Variants in CNTNAP5 observed in about 807,000 individuals in gnomAD.
CNTNAP5 encodes contactin associated protein family member 5.
In CNTNAP5, 72 loss-of-function variants were observed where a neutral mutation model predicts 150.2. The ratio of observed to expected loss-of-function variants is 0.48; its 90% CI spans 0.40 to 0.58. The LOEUF (loss-of-function observed/expected upper bound fraction) is 0.58. Among genes scored for constraint, CNTNAP5 ranks in the 20% least tolerant of loss-of-function variants. CNTNAP5 has a pLI of 0.00. For synonymous variants in CNTNAP5, 672 were observed against 619.8 expected (o/e 1.08, Z -1.25); for missense variants, 1,636 against 1,626.2 (o/e 1.01, Z -0.10).
chr2:124,457,214 A>G (rs1693141946), intron 6 of CNTNAP5, among the ~76,000 whole-genome samples: 1 of 152,110 alleles, frequency 6.6e-6, no homozygotes, highest in African/African-American at 2.4e-5. Context: ...ATAACATTGG[A>G]AAAATCCTTC....
At chr2:124,430,151 G>A (rs1692338416) in intron 4 of CNTNAP5, among the ~76,000 whole-genome samples, 1 of 152,104 alleles carries the variant, frequency 6.6e-6, no homozygotes, top group Non-Finnish European at 1.5e-5. Flanking sequence ...TAGAAAAAGG[G>A]CCAGGTGGGA....
At chr2:124,739,903 T>C (rs1010737836) in intron 13 of CNTNAP5, among the ~76,000 whole-genome samples, 1 of 101,806 alleles carries the variant, frequency 9.8e-6, no homozygotes, top group Admixed American at 9.4e-5. Flanking sequence ...CTTCCATTAC[T>C]CTTAGCTGTG....
At chr2:124,805,191 C>A (rs1220592963) in intron 19 of CNTNAP5, among the ~76,000 whole-genome samples, 3 of 152,092 alleles carry the variant, frequency 2.0e-5, no homozygotes, top group African/African-American at 7.2e-5. Context: ...TCTCTAGTCA[C>A]AGGAAACAGA....
intron 1 of CNTNAP5, among the ~76,000 whole-genome samples, chr2:124,128,811 G>A (rs1227290743): frequency 6.6e-6 from 1 of 152,008 alleles, no homozygotes. Flanking sequence ...TATCGCAAGG[G>A]CAGAAAACCA....
intron 13 of CNTNAP5, among the ~76,000 whole-genome samples, chr2:124,688,040 C>T (rs1384343084): frequency 2.6e-5 from 4 of 152,084 alleles, no homozygotes; most frequent in Non-Finnish European, 5.9e-5. Flanking sequence ...CCCCTCCAGA[C>T]CTTGCTTTAT....
intron 18 of CNTNAP5, among the ~76,000 whole-genome samples, chr2:124,796,239 G>A (rs1681843490): frequency 6.6e-6 from 1 of 150,924 alleles, no homozygotes; most frequent in Non-Finnish European, 1.5e-5. Context: ...ATTGTCTTAA[G>A]TATAAAGAAA....
intron 1 of CNTNAP5, among the ~76,000 whole-genome samples, chr2:124,218,292 A>T (rs1380307619): frequency 6.6e-6 from 1 of 152,132 alleles, no homozygotes; most frequent in Non-Finnish European, 1.5e-5. Flanking sequence ...ATAGGCTTCC[A>T]TTCCCGTTTA....
At chr2:124,292,439 A>C (rs1688319995) in intron 3 of CNTNAP5, among the ~76,000 whole-genome samples, 1 of 152,184 alleles carries the variant, frequency 6.6e-6, no homozygotes, top group South Asian at 2.1e-4. Context: ...ATATGTACAA[A>C]ATTTAATTTT....
intron 13 of CNTNAP5, among the ~76,000 whole-genome samples, chr2:124,716,123 A>T (rs2105110739): frequency 6.6e-6 from 1 of 152,296 alleles, no homozygotes; most frequent in Non-Finnish European, 1.5e-5. Flanking sequence ...ATGGACAATT[A>T]TCTTAAAATT....
intron 3 of CNTNAP5, among the ~76,000 whole-genome samples, chr2:124,402,386 A>G (rs907517398): frequency 3.3e-5 from 5 of 152,096 alleles, no homozygotes; most frequent in Non-Finnish European, 7.4e-5. Flanking sequence ...CAGGTACACA[A>G]CTCCAACAGA....
At chr2:124,565,766 A>AT (rs1210556169) in intron 11 of CNTNAP5, among the ~76,000 whole-genome samples, 39 of 151,608 alleles carry the variant, frequency 2.6e-4, no homozygotes, top group Admixed American at 1.9e-3. Flanking sequence ...CGCCCAGCTA[A>AT]TTTTTTATAT....
At chr2:124,455,970 G>A (rs1371817896) in intron 6 of CNTNAP5, among the ~76,000 whole-genome samples, 2 of 152,098 alleles carry the variant, frequency 1.3e-5, no homozygotes, top group Non-Finnish European at 2.9e-5. Flanking sequence ...ACTGAGTGGG[G>A]AAAAGTTGAA....
intron 12 of CNTNAP5, among the ~76,000 whole-genome samples, chr2:124,622,549 G>T (rs535002777): frequency 6.6e-6 from 1 of 152,190 alleles, no homozygotes; most frequent in Non-Finnish European, 1.5e-5. Context: ...TTGCCACACT[G>T]TATTCCACAA....
intron 2 of CNTNAP5, among the ~76,000 whole-genome samples, chr2:124,232,579 A>T (rs938857764): frequency 6.6e-5 from 10 of 152,152 alleles, no homozygotes; most frequent in Admixed American, 2.0e-4. Flanking sequence ...CCAGATTTTC[A>T]ATTTGAAGAC....
chr2:124,420,241 G>A (rs181042237), intron 4 of CNTNAP5, among the ~76,000 whole-genome samples: 149 of 151,626 alleles, frequency 9.8e-4, no homozygotes, highest in East Asian at 3.7e-3. Flanking sequence ...CACCCAGCTC[G>A]GCCTCCCAAA....
At chr2:124,493,506 A>T (rs940171366) in intron 7 of CNTNAP5, among the ~76,000 whole-genome samples, 1 of 151,722 alleles carries the variant, frequency 6.6e-6, no homozygotes, top group Non-Finnish European at 1.5e-5. Context: ...ATGTCTGGCT[A>T]ATTTTTTATA....
At chr2:124,512,478 G>A (rs1031455306) in intron 8 of CNTNAP5, among the ~76,000 whole-genome samples, 2 of 152,060 alleles carry the variant, frequency 1.3e-5, no homozygotes, top group Non-Finnish European at 2.9e-5. Flanking sequence ...AATCACCTGG[G>A]ACAGACAAAA....
At chr2:124,243,416 T>A (rs1686937430) in intron 3 of CNTNAP5, among the ~76,000 whole-genome samples, 1 of 152,182 alleles carries the variant, frequency 6.6e-6, no homozygotes, top group Non-Finnish European at 1.5e-5. Flanking sequence ...TCATTGTTAT[T>A]TGTTAATTGC....
At chr2:124,071,159 C>T (rs6746702) in intron 1 of CNTNAP5, among the ~76,000 whole-genome samples, 43,246 of 151,534 alleles carry the variant, frequency 0.29, 6,540 homozygotes, top group Admixed American at 0.36. Flanking sequence ...AATGAATACA[C>T]AGCATATCAA....
Sources: allele counts gnomAD v4.1 joint callset (sites outside exome capture counted in the v4.1 genomes callset), GRCh38; gene constraint gnomAD v4.1.1; transcripts MANE v1.5; gene names NCBI Gene and HGNC (gene_info 2026-07-23, HGNC 2026-07-21).